Variants in ZNF71 observed in about 807,000 individuals in gnomAD.
ZNF71 encodes the protein endothelial zinc finger protein induced by tumor necrosis factor alpha.
Under a neutral mutation model 6.7 loss-of-function variants are expected in ZNF71, and 3 were observed. The observed-to-expected ratio is 0.45, with a 90% confidence interval of 0.20 to 1.16. ZNF71 has a LOEUF of 1.16. ZNF71 is among the 50% of genes most tolerant of loss of function. The pLI, the probability that ZNF71 is intolerant of heterozygous loss-of-function variation, is 0.25. For synonymous variants in ZNF71, 343 were observed against 311.1 expected (o/e 1.10, Z -1.08); for missense variants, 688 against 728.6 (o/e 0.94, Z 0.64).
chr19:56,596,427 G>A (rs938470458), intron 1 of ZNF71, among the ~76,000 whole-genome samples: 1 of 152,104 alleles, frequency 6.6e-6, no homozygotes, highest in African/African-American at 2.4e-5. Context: ...TAGTCTGCCT[G>A]CCCACAGTTC....
Position 56,598,981 on chromosome 19 carries a change from G to T in ZNF71, c.-52-2526G>T, listed in dbSNP as rs564832736. Among the ~76,000 whole-genome samples the T allele has an allele frequency of 2.6e-5, 4 of 152,270 alleles. No homozygotes were observed. The East Asian group carries it at 7.7e-4, about 29-fold the overall frequency. Reference sequence around the variant, plus strand: ...CCTACCCAGGTAGTTTGATTCAGAGGATCTGAGGTGGGGGGCAGGAATATA... The same window carrying T: ...CCTACCCAGGTAGTTTGATTCAGAGTATCTGAGGTGGGGGGCAGGAATATA... On this transcript the variant is annotated intron_variant, in intron 1 of 3. Transcript: ENST00000599599. This position sits in a 1 kb window ranked among gnomAD's most constrained non-coding sequence, Gnocchi z 4.2.
Position 56,603,196 on chromosome 19 carries a change from G to A in ZNF71, c.33+1605G>A, listed in dbSNP as rs553883428. 6.6e-6 allele frequency among the ~76,000 whole-genome samples: 1 copy of A among 152,230 alleles called. No homozygotes were observed. The highest frequency in any genetic ancestry group is 2.4e-5 in the African/African-American group (1 of 41,538). On this transcript the variant is annotated intron_variant, in intron 2 of 3. Transcript: ENST00000599599. The surrounding 1 kb of genome is among the most constrained non-coding windows in gnomAD (Gnocchi z 4.6). ...ATTTTCATCATCCTGAAAAAGAGCC[G>A]AGTACCCATTGGCACTCATTTCCAT... is the stretch of plus-strand genomic sequence containing the variant.
chr19:56,599,695 TG>T (rs1259947001), intron 1 of ZNF71, among the ~76,000 whole-genome samples: 2,486 of 146,918 alleles, frequency 0.017, 38 homozygotes, highest in African/African-American at 0.035. Context: ...TTTAGTGTTT[TG>T]TTTTTTTTTT....
chr19:56,602,625 C>G (rs960819255), intron 2 of ZNF71, among the ~76,000 whole-genome samples: 2 of 152,172 alleles, frequency 1.3e-5, no homozygotes, highest in African/African-American at 2.4e-5. Flanking sequence ...TAGTGAAGTT[C>G]AAGTCTTAGA....
At chr19:56,600,641 C>G (rs1056044391) in intron 1 of ZNF71, among the ~76,000 whole-genome samples, 5 of 152,094 alleles carry the variant, frequency 3.3e-5, no homozygotes, top group Non-Finnish European at 5.9e-5. Context: ...TGAGAACTTG[C>G]AAAGTTTGTC....
At chr19:56,619,718 G>T (rs1298098037) in intron 3 of ZNF71, among the ~76,000 whole-genome samples, 1 of 152,184 alleles carries the variant, frequency 6.6e-6, no homozygotes, top group African/African-American at 2.4e-5. Context: ...GGTGGCCTCA[G>T]GAACTACCAG....
rs2148021073 is a variant in ZNF71 at position 56,621,350 on chromosome 19, CA to C, written c.244del (p.Thr82ArgfsTer47). ...ACAAGCTCTCCGTTGTTGGGGAGGC[CA>C]CGGGGGGACCCACGAGGAATGGTGC... ...EDKLSVVGEA[T>X]GGPTRNGARG... On this transcript the variant is annotated frameshift_variant, in exon 4 of 4. Coordinates refer to ENST00000599599, the MANE Select transcript of ZNF71 (RefSeq NM_001370215.1). LOFTEE classifies it low-confidence loss of function (END_TRUNC). The C allele has an allele frequency of 1.3e-6, 2 of 1,566,908 alleles. No individual in the cohort carries two copies. The highest frequency in any genetic ancestry group is 1.2e-5 in the South Asian group (1 of 83,378).
chr19:56,620,868 G>A (rs1187133825), intron 3 of ZNF71, among the ~76,000 whole-genome samples: 1 of 152,150 alleles, frequency 6.6e-6, no homozygotes, highest in Non-Finnish European at 1.5e-5. Context: ...TGAGGAGCAC[G>A]ACTGGTTGTG....
Position 56,622,367 on chromosome 19 carries a change from C to T in ZNF71, c.1260C>T (p.Gly420=). The T allele has an allele frequency of 1.9e-6, 3 of 1,612,436 alleles. No homozygotes were observed. The highest frequency in any genetic ancestry group is 2.5e-6 in the Non-Finnish European group (3 of 1,179,402). The stretch of plus-strand genomic sequence containing the variant: ...AGCCGTTCGAGTGCAGCGAGTGCGG[C>T]AAGGCCTTCAGCAAGAACTCCTCGC... ...GVKPFECSEC[G]KAFSKNSSLT... Residue 420 remains glycine, a synonymous_variant, in exon 4 of 4, where the codon GGC becomes GGT. Transcript: ENST00000599599.
rs1431069848 is a variant in ZNF71, at chr19:56,600,059, T to C, written c.-52-1448T>C. Among the ~76,000 whole-genome samples the C allele has an allele frequency of 2.0e-5, 3 of 150,740 alleles. No homozygotes were observed. In the East Asian group the frequency reaches 5.9e-4, roughly 30 times the overall value. ...GCTGTCAAATAGTAGGTCTTATTCA[T>C]TCTTTGTGTGTGTGTTTTTTTGTTT... is the stretch of plus-strand genomic sequence containing the variant. On this transcript the variant is annotated intron_variant, in intron 1 of 3. Transcript: ENST00000599599.
intron 3 of ZNF71, among the ~76,000 whole-genome samples, chr19:56,619,129 T>A (rs954493311): frequency 1.3e-5 from 2 of 152,166 alleles, no homozygotes; most frequent in African/African-American, 2.4e-5. Context: ...AACAATTTTT[T>A]AAATTTTATA....
intron 3 of ZNF71, among the ~76,000 whole-genome samples, chr19:56,614,675 T>TC (rs2044777038): frequency 6.6e-6 from 1 of 152,224 alleles, no homozygotes; most frequent in African/African-American, 2.4e-5. Flanking sequence ...GTTAAAACAC[T>TC]CACTTTTGTA....
chr19:56,601,243 C>T (rs1478904112), intron 1 of ZNF71, among the ~76,000 whole-genome samples: 1 of 152,056 alleles, frequency 6.6e-6, no homozygotes, highest in East Asian at 1.9e-4. Flanking sequence ...GTTTAATCTC[C>T]TCGGGCCTCA....
At chr19:56,604,723 C>T (rs1049328244) in intron 2 of ZNF71, among the ~76,000 whole-genome samples, 1 of 152,182 alleles carries the variant, frequency 6.6e-6, no homozygotes, top group Non-Finnish European at 1.5e-5. Context: ...AAGGTGACCC[C>T]TCAGGCAGAG....
intron 3 of ZNF71, among the ~76,000 whole-genome samples, chr19:56,619,281 C>T (rs935501870): frequency 1.1e-4 from 16 of 152,012 alleles, no homozygotes; most frequent in African/African-American, 1.5e-4. Flanking sequence ...TTTCATCTCC[C>T]GCAAATGAAA....
Position 56,621,324 on chromosome 19 carries a change from G to GACAA in ZNF71, c.218_221dup (p.Leu75GlnfsTer64), listed in dbSNP as rs749189466. Reference sequence around the variant, plus strand: ...GGATCCAAAGAATGACATTTCGGAAGACAAGCTCTCCGTTGTTGGGGAGGC... The same window carrying GACAA: ...GGATCCAAAGAATGACATTTCGGAAGACAAACAAGCTCTCCGTTGTTGGGGAGGC... On this transcript the variant is annotated frameshift_variant, in exon 4 of 4. Transcript: ENST00000599599. LOFTEE classifies it low-confidence loss of function (END_TRUNC). 5.2e-6 allele frequency: 8 copies of GACAA among 1,529,896 alleles called. No individual in the cohort carries two copies. In the Admixed American group the frequency reaches 1.7e-4, roughly 33 times the overall value. 94.8% of individuals were successfully genotyped at this position (1,529,896 alleles called of 1,614,324 possible).
At chr19:56,620,563 A>G (rs1235368871) in intron 3 of ZNF71, among the ~76,000 whole-genome samples, 1 of 151,836 alleles carries the variant, frequency 6.6e-6, no homozygotes, top group Non-Finnish European at 1.5e-5. Context: ...ACAGGGTCTC[A>G]CCCTGTCACC....
intron 3 of ZNF71, among the ~76,000 whole-genome samples, chr19:56,616,141 C>T (rs111625634): frequency 1.4e-4 from 21 of 152,218 alleles, no homozygotes; most frequent in African/African-American, 4.1e-4. Context: ...AGGTTTTCTT[C>T]TGTAAGTTAT....
chr19:56,613,776 G>T lies in ZNF71; in HGVS notation c.34-36G>T. On this transcript the variant is annotated intron_variant, in intron 2 of 3. Coordinates refer to ENST00000599599, the MANE Select transcript of ZNF71 (RefSeq NM_001370215.1). The surrounding 1 kb of genome is among the most constrained non-coding windows in gnomAD (Gnocchi z 4.6). ...ATTCCTCCACGCCTCTGTAAGGAGGGCCCTGCGATGAGCGGATGTGGGTTT... is the reference window on the plus strand; with the variant it reads ...ATTCCTCCACGCCTCTGTAAGGAGGTCCCTGCGATGAGCGGATGTGGGTTT... 1 of 1,079,600 alleles carries T rather than the reference G, an allele frequency of 9.3e-7. No homozygotes were observed. Among genetic ancestry groups the T allele is most frequent in the South Asian group, 3.2e-5 (1 of 30,908 alleles). The allele number at this position is 1,079,600 out of a possible 1,614,324, so 66.9% of individuals were successfully genotyped here.
Sources: gnomAD v4.1 joint callset for allele counts (sites outside exome capture counted in the v4.1 genomes callset) on GRCh38, gnomAD v4.1.1 for gene constraint, Gnocchi (gnomAD v3.1) non-coding constraint, MANE v1.5 for transcripts, NCBI Gene and HGNC (gene_info 2026-07-23, HGNC 2026-07-21) for gene names.